The following LPAR3 variants were observed in gnomAD, a reference collection of about 807,000 sequenced individuals.
The protein encoded by LPAR3 is LPA receptor 3.
A neutral mutation model predicts 17.8 loss-of-function variants in LPAR3; 7 were observed. That is an observed-to-expected ratio of 0.39 (90% CI 0.22 to 0.74). The LOEUF (loss-of-function observed/expected upper bound fraction) is 0.74. Ranked by LOEUF, LPAR3 falls within the 30% of genes least tolerant of loss-of-function variation. LPAR3 has a pLI of 0.40. For missense variants in LPAR3, 391 were observed against 453.4 expected, an observed-to-expected ratio of 0.86 and a Z score of 1.25; for synonymous variants, 179 against 179.9, an observed-to-expected ratio of 0.99 and a Z score of 0.04.
intron 2 of LPAR3, among the ~76,000 whole-genome samples, chr1:84,817,657 T>C (rs542465632): frequency 6.6e-6 from 1 of 152,288 alleles, no homozygotes; most frequent in South Asian, 2.1e-4. Context: ...CTTTTGTTGT[T>C]CATTGGAAAC....
intron 2 of LPAR3, among the ~76,000 whole-genome samples, chr1:84,816,417 T>C (rs969795114): frequency 3.3e-5 from 5 of 152,174 alleles, no homozygotes; most frequent in African/African-American, 9.7e-5. Context: ...AGGCCTTCCC[T>C]TTGTACATCT....
At chr1:84,845,539 C>G (rs1659581250) in intron 2 of LPAR3, among the ~76,000 whole-genome samples, 1 of 152,134 alleles carries the variant, frequency 6.6e-6, no homozygotes, top group African/African-American at 2.4e-5. Context: ...TAGTCAGGAG[C>G]AGTAATAAGC....
Position 84,865,917 on chromosome 1 carries a change from C to G in LPAR3, c.204G>C (p.Leu68=). 6.2e-7 allele frequency: 1 copy of G among 1,614,010 alleles called. No homozygotes were observed. The highest frequency in any genetic ancestry group is 8.5e-7 in the Non-Finnish European group (1 of 1,180,014). Reference sequence around the variant, plus strand: ...AATCGGCAGCAGCTAAATTAGCCAACAGGTAGTAGAAGGGGAAATGAAATT... The same window carrying G: ...AATCGGCAGCAGCTAAATTAGCCAAGAGGTAGTAGAAGGGGAAATGAAATT... ...NRKFHFPFYY[L]LANLAAADFF... Residue 68 remains leucine, a synonymous_variant, in exon 2 of 3, where the codon CTG becomes CTC. Coordinates refer to ENST00000370611, the MANE Select transcript of LPAR3 (RefSeq NM_012152.3).
Position 84,865,723 on chromosome 1 carries a change from C to T in LPAR3, c.398G>A (p.Arg133Lys). 1 of 1,614,186 alleles carries T rather than the reference C, an allele frequency of 6.2e-7. No homozygotes were observed. ...GGTCAGGTTGCTATGGACCCGCATC[C>T]TCATGATTGACATGTGCCTCTCCAC... is the stretch of plus-strand genomic sequence containing the variant. ...IAVERHMSIM[R>K]MRVHSNLTKK... Residue 133 changes from arginine to lysine, a missense_variant, in exon 2 of 3, where the codon AGG (arginine) becomes AAG (lysine). Coordinates refer to ENST00000370611, the MANE Select transcript of LPAR3 (RefSeq NM_012152.3).
intron 2 of LPAR3, among the ~76,000 whole-genome samples, chr1:84,838,884 C>T (rs139460786): frequency 3.5e-4 from 53 of 152,304 alleles, no homozygotes; most frequent in African/African-American, 1.2e-3. Flanking sequence ...ATTTGCAGTG[C>T]CCCGGACTGG....
chr1:84,818,411 A>C (rs1197407715), intron 2 of LPAR3, among the ~76,000 whole-genome samples: 1 of 152,226 alleles, frequency 6.6e-6, no homozygotes, highest in Non-Finnish European at 1.5e-5. Context: ...CACGTCATTA[A>C]AGAACAAAAA....
At chr1:84,830,946 G>A (rs2102749596) in intron 2 of LPAR3, among the ~76,000 whole-genome samples, 1 of 152,256 alleles carries the variant, frequency 6.6e-6, no homozygotes, top group East Asian at 1.9e-4. Flanking sequence ...CAAGCTGATT[G>A]TTTGGAATTC....
intron 2 of LPAR3, among the ~76,000 whole-genome samples, chr1:84,837,685 T>C: frequency 6.6e-6 from 1 of 152,226 alleles, no homozygotes; most frequent in Admixed American, 6.5e-5. Flanking sequence ...ATGCTAATAA[T>C]GGTGGTAATG....
intron 1 of LPAR3, among the ~76,000 whole-genome samples, chr1:84,871,036 T>C (rs145642686): frequency 1.4e-4 from 22 of 152,322 alleles, no homozygotes; most frequent in African/African-American, 4.3e-4. Context: ...TGTTTTCAAC[T>C]TTTATGGTAA....
At chr1:84,825,564 C>T (rs1343518981) in intron 2 of LPAR3, among the ~76,000 whole-genome samples, 4 of 152,302 alleles carry the variant, frequency 2.6e-5, no homozygotes, top group South Asian at 2.1e-4. Flanking sequence ...TTATAGGAGG[C>T]GATGCAAAGG....
Position 84,812,936 on chromosome 1 carries a change from C to T in LPAR3, c.*910G>A, listed in dbSNP as rs1204722864. On this transcript the variant is annotated 3_prime_UTR_variant, in exon 3 of 3. Transcript: ENST00000370611. ...TTTCTGCATAAACCCTTTACTAGCT[C>T]TCCACTGTTTTTCACCATCATGAGG... 1.3e-5 allele frequency: 2 copies of T among 151,592 alleles called. No individual in the cohort carries two copies. The highest frequency in any genetic ancestry group is 2.9e-5 in the Non-Finnish European group (2 of 67,950). 9.4% of individuals were successfully genotyped at this position (151,592 alleles called of 1,614,324 possible).
chr1:84,858,383 C>T (rs893090692), intron 2 of LPAR3, among the ~76,000 whole-genome samples: 2 of 150,116 alleles, frequency 1.3e-5, no homozygotes, highest in Non-Finnish European at 2.9e-5. Context: ...ATTCAGGAGG[C>T]TGAGGCACAA....
Position 84,832,077 on chromosome 1 carries a change from G to A in LPAR3, c.737-17906C>T, listed in dbSNP as rs575797182. ...CATTGCTCCTACTGAAAATTTGACC[G>A]AACTGAGTTTCTATCATTTTCTTCT... On this transcript the variant is annotated intron_variant, in intron 2 of 2. Transcript: ENST00000370611. Among the ~76,000 whole-genome samples the A allele has an allele frequency of 7.2e-5, 11 of 152,070 alleles. 1 individual carries two copies. The highest frequency in any genetic ancestry group is 4.4e-5 in the Non-Finnish European group (3 of 68,006).
At chr1:84,872,937 T>C (rs1660183105) in intron 1 of LPAR3, among the ~76,000 whole-genome samples, 1 of 152,182 alleles carries the variant, frequency 6.6e-6, no homozygotes, top group Non-Finnish European at 1.5e-5. Flanking sequence ...AAATCACAGT[T>C]TACTGTGATC....
At chr1:84,853,121 AAC>A (rs1441785845) in intron 2 of LPAR3, among the ~76,000 whole-genome samples, 49 of 144,728 alleles carry the variant, frequency 3.4e-4, no homozygotes, top group Admixed American at 1.7e-3. Flanking sequence ...AAAAAAAAAA[AAC>A]CAAGAACAAA....
chr1:84,864,314 C>T (rs1660000058), intron 2 of LPAR3, among the ~76,000 whole-genome samples: 1 of 152,120 alleles, frequency 6.6e-6, no homozygotes, highest in South Asian at 2.1e-4. Context: ...CTCTATTAAC[C>T]CATTTATGCC....
At chr1:84,845,897 T>C (rs1659587871) in intron 2 of LPAR3, among the ~76,000 whole-genome samples, 1 of 152,172 alleles carries the variant, frequency 6.6e-6, no homozygotes, top group African/African-American at 2.4e-5. Context: ...ACAGGAATAC[T>C]AGCAATATAT....
intron 2 of LPAR3, among the ~76,000 whole-genome samples, chr1:84,862,246 C>T (rs779472549): frequency 1.3e-5 from 2 of 152,168 alleles, no homozygotes; most frequent in African/African-American, 2.4e-5. Context: ...AGGGGAAATG[C>T]CGATTAATGT....
rs568212308 is a variant in LPAR3, at chr1:84,886,653, T to C, written c.-19+6363A>G. Among the ~76,000 whole-genome samples the C allele has an allele frequency of 2.6e-5, 4 of 152,322 alleles. No individual in the cohort carries two copies. The East Asian group carries it at 7.7e-4, about 29-fold the overall frequency. ...ATGTCAATTTGCTTGACTGTAGTAATTACTTCATTACATCTATGTTTATCA... is the reference window on the plus strand; with the variant it reads ...ATGTCAATTTGCTTGACTGTAGTAACTACTTCATTACATCTATGTTTATCA... On this transcript the variant is annotated intron_variant, in intron 1 of 2. Coordinates refer to ENST00000370611, the MANE Select transcript of LPAR3 (RefSeq NM_012152.3).
Sources: allele counts gnomAD v4.1 joint callset (sites outside exome capture counted in the v4.1 genomes callset), GRCh38; gene constraint gnomAD v4.1.1; transcripts MANE v1.5; gene names NCBI Gene and HGNC (gene_info 2026-07-23, HGNC 2026-07-21).